Variants in MMP16 observed in about 807,000 individuals in gnomAD.
MMP16 encodes the protein matrix metallopeptidase 16, also known as matrix metalloproteinase-16.
MMP16 carries 12 observed loss-of-function variants against 67.8 expected under a neutral mutation model. That is an observed-to-expected ratio of 0.18 (90% CI 0.11 to 0.29). MMP16 has a LOEUF of 0.29. Among genes scored for constraint, MMP16 ranks in the 10% least tolerant of loss-of-function variants. The pLI, the probability that MMP16 is intolerant of heterozygous loss-of-function variation, is 1.00. For missense variants in MMP16, 475 were observed against 765.7 expected (o/e 0.62, Z 4.48); for synonymous variants, 249 against 255.9 (o/e 0.97, Z 0.26).
intron 1 of MMP16, among the ~76,000 whole-genome samples, chr8:88,269,580 C>T (rs1353146991): frequency 6.6e-6 from 1 of 152,180 alleles, no homozygotes; most frequent in Non-Finnish European, 1.5e-5. Flanking sequence ...TGCGTCATTA[C>T]AACCTGACCA....
intron 1 of MMP16, among the ~76,000 whole-genome samples, chr8:88,214,103 A>T (rs1422053275): frequency 5.9e-5 from 9 of 152,192 alleles, no homozygotes; most frequent in Non-Finnish European, 1.3e-4. Flanking sequence ...TCCAATACAT[A>T]AACGTGATGA....
chr8:88,189,619 A>T (rs570070616), intron 2 of MMP16, among the ~76,000 whole-genome samples: 1 of 152,330 alleles, frequency 6.6e-6, no homozygotes, highest in South Asian at 2.1e-4. Flanking sequence ...CTTTGTAGAA[A>T]GAATCTGATT....
intron 8 of MMP16, among the ~76,000 whole-genome samples, chr8:88,047,307 T>A (rs1808211899): frequency 6.6e-6 from 1 of 152,210 alleles, no homozygotes; most frequent in African/African-American, 2.4e-5. Flanking sequence ...GATACAACGT[T>A]GGACAACACA....
intron 1 of MMP16, among the ~76,000 whole-genome samples, chr8:88,319,460 A>C (rs529717884): frequency 9.4e-4 from 143 of 152,214 alleles, no homozygotes; most frequent in Non-Finnish European, 1.6e-3. Context: ...AAGCAAGTAG[A>C]GCGTGAGAAA....
intron 6 of MMP16, among the ~76,000 whole-genome samples, chr8:88,108,612 C>T (rs181603606): frequency 7.9e-5 from 12 of 151,250 alleles, no homozygotes; most frequent in African/African-American, 2.2e-4. Context: ...TGATTGATAG[C>T]GCTGGGATTG....
chr8:88,156,621 C>T (rs1009853171), intron 4 of MMP16, among the ~76,000 whole-genome samples: 7 of 151,792 alleles, frequency 4.6e-5, no homozygotes, highest in Admixed American at 3.3e-4. Flanking sequence ...AAAAAAGTTA[C>T]AAAACTAAAG....
chr8:88,270,734 T>C (rs1208076612), intron 1 of MMP16, among the ~76,000 whole-genome samples: 3 of 152,218 alleles, frequency 2.0e-5, no homozygotes, highest in African/African-American at 7.2e-5. Flanking sequence ...TTCTTCAAGA[T>C]GTCTTCTTGA....
chr8:88,161,165 TC>T (rs1808614543), intron 4 of MMP16, among the ~76,000 whole-genome samples: 1 of 152,208 alleles, frequency 6.6e-6, no homozygotes, highest in South Asian at 2.1e-4. Context: ...CGGCTGTGAA[TC>T]CGTCTGGTCC....
intron 4 of MMP16, among the ~76,000 whole-genome samples, chr8:88,148,478 C>T (rs1431116983): frequency 6.6e-6 from 1 of 152,128 alleles, no homozygotes; most frequent in Admixed American, 6.6e-5. Flanking sequence ...TACATATTTG[C>T]TTATGCAGGG....
At chr8:88,248,605 C>T (rs950759255) in intron 1 of MMP16, among the ~76,000 whole-genome samples, 2 of 151,976 alleles carry the variant, frequency 1.3e-5, no homozygotes, top group Non-Finnish European at 2.9e-5. Context: ...GGATTAAGTG[C>T]TCATGGCTTC....
At chr8:88,106,836 T>G (rs1253403919) in intron 6 of MMP16, among the ~76,000 whole-genome samples, 1 of 151,178 alleles carries the variant, frequency 6.6e-6, no homozygotes, top group African/African-American at 2.4e-5. Flanking sequence ...AAAGTAACAC[T>G]TCCTACATGT....
chr8:88,147,367 C>A (rs1808311062), intron 4 of MMP16, among the ~76,000 whole-genome samples: 1 of 151,956 alleles, frequency 6.6e-6, no homozygotes. Context: ...CTATTATTAT[C>A]CAATAAACTT....
At chr8:88,157,434 T>G (rs949775175) in intron 4 of MMP16, among the ~76,000 whole-genome samples, 1 of 151,816 alleles carries the variant, frequency 6.6e-6, no homozygotes, top group East Asian at 2.0e-4. Context: ...GTCCTCCCGT[T>G]CCCCAAAGAT....
At chr8:88,222,271 T>C (rs957063126) in intron 1 of MMP16, among the ~76,000 whole-genome samples, 1 of 151,846 alleles carries the variant, frequency 6.6e-6, no homozygotes, top group Admixed American at 6.6e-5. Context: ...TTCTGAGTTA[T>C]TTAGAAAATA....
chr8:88,080,435 A>ATATT (rs1362750119), intron 6 of MMP16, among the ~76,000 whole-genome samples: 1 of 152,016 alleles, frequency 6.6e-6, no homozygotes, highest in Non-Finnish European at 1.5e-5. Flanking sequence ...ATTTATGTAT[A>ATATT]TATTTATTTA....
At chr8:88,196,813 A>G (rs1809264135) in intron 2 of MMP16, among the ~76,000 whole-genome samples, 1 of 152,100 alleles carries the variant, frequency 6.6e-6, no homozygotes, top group Non-Finnish European at 1.5e-5. Flanking sequence ...AGATTTGGGA[A>G]GCCATGTGTA....
intron 6 of MMP16, among the ~76,000 whole-genome samples, chr8:88,101,782 C>T (rs1320708966): frequency 6.6e-6 from 1 of 151,814 alleles, no homozygotes; most frequent in Non-Finnish European, 1.5e-5. Flanking sequence ...AATATTTGTA[C>T]AAAGAAAAGG....
At chr8:88,130,167 T>A (rs1049629784) in intron 4 of MMP16, among the ~76,000 whole-genome samples, 10 of 151,762 alleles carry the variant, frequency 6.6e-5, no homozygotes, top group African/African-American at 2.4e-4. Context: ...TAAAAAATAA[T>A]ATGCAAAATC....
chr8:88,321,495 G>GT (rs1224149904), intron 1 of MMP16, among the ~76,000 whole-genome samples: 1 of 151,942 alleles, frequency 6.6e-6, no homozygotes, highest in African/African-American at 2.4e-5. Flanking sequence ...TTAAAATTAC[G>GT]TATCATTTGC....
Sources: gnomAD v4.1 joint callset for allele counts (sites outside exome capture counted in the v4.1 genomes callset) on GRCh38, gnomAD v4.1.1 for gene constraint, MANE v1.5 for transcripts, NCBI Gene and HGNC (gene_info 2026-07-23, HGNC 2026-07-21) for gene names.